The following HORMAD2 variants were observed in gnomAD, a reference collection of about 807,000 sequenced individuals.
The protein encoded by HORMAD2 is HORMA domain-containing protein 2.
Under a neutral mutation model 38.8 loss-of-function variants are expected in HORMAD2, and 45 were observed. The ratio of observed to expected loss-of-function variants is 1.16; its 90% CI spans 0.91 to 1.49. The LOEUF (loss-of-function observed/expected upper bound fraction) is 1.49. Ranked by LOEUF, HORMAD2 falls within the 40% of genes most tolerant of loss-of-function variation. The pLI is 0.00. For missense variants in HORMAD2, 338 were observed against 367.0 expected, an observed-to-expected ratio of 0.92 and a Z score of 0.65; for synonymous variants, 126 against 122.8, an observed-to-expected ratio of 1.03 and a Z score of -0.17.
intron 7 of HORMAD2, among the ~76,000 whole-genome samples, chr22:30,116,089 A>G (rs1569094399): frequency 6.6e-6 from 1 of 152,146 alleles, no homozygotes; most frequent in African/African-American, 2.4e-5. Flanking sequence ...CAGTGCCTGA[A>G]TATTATTATT....
the HORMAD2 span, chr22:30,184,698 C>G: frequency 5.3e-5 from 8 of 152,130 alleles, no homozygotes; most frequent in Non-Finnish European, 7.4e-5. Flanking sequence ...GGTTTTGACA[C>G]CGTGCTGCCT....
chr22:30,117,898 G>A (rs942864559), intron 7 of HORMAD2, among the ~76,000 whole-genome samples: 2 of 152,186 alleles, frequency 1.3e-5, no homozygotes, highest in African/African-American at 4.8e-5. Context: ...ACAGTGAGGA[G>A]AGCAGATAGC....
In HORMAD2 at chr22:30,098,969, T is replaced by C. The variant is rs145681756; in HGVS notation, c.169T>C (p.Ser57Pro). 2.8e-4 allele frequency: 455 copies of C among 1,610,616 alleles called. 2 individuals carry two copies. In the African/African-American group the frequency reaches 5.6e-3, roughly 20 times the overall value. Residue 57 changes from serine (S) to proline (P), a missense_variant, in exon 3 of 11, where the codon TCT becomes CCT. Ser to Pro is a moderately conservative substitution (Grantham distance 74, BLOSUM62 -1). Coordinates refer to ENST00000336726, the MANE Select transcript of HORMAD2 (RefSeq NM_152510.4). Reference sequence around the variant, plus strand: ...CCTAAGGGGCCTGTTTCCAGAGAGCTCTTATGGAGAACGCCATTTGGATGG... The same window carrying C: ...CCTAAGGGGCCTGTTTCCAGAGAGCCCTTATGGAGAACGCCATTTGGATGG... ...TYLRGLFPESSYGERHLDDLS... is the reference protein window; with the variant it reads ...TYLRGLFPESPYGERHLDDLS...
intron 10 of HORMAD2, among the ~76,000 whole-genome samples, chr22:30,139,578 A>G (rs970623118): frequency 6.6e-6 from 1 of 151,796 alleles, no homozygotes; most frequent in Non-Finnish European, 1.5e-5. Flanking sequence ...TCTAATCTGG[A>G]TGCCTTTTAT....
chr22:30,085,963 A>G (rs2068563494), intron 1 of HORMAD2, among the ~76,000 whole-genome samples: 1 of 152,226 alleles, frequency 6.6e-6, no homozygotes, highest in Non-Finnish European at 1.5e-5. Flanking sequence ...AAATTTTACT[A>G]AGCCATATGA....
chr22:30,177,462 G>A (rs1926519326), downstream of HORMAD2, among the ~76,000 whole-genome samples: 1 of 152,202 alleles, frequency 6.6e-6, no homozygotes, highest in South Asian at 2.1e-4. Context: ...CTGCAGGCAA[G>A]GAGGAGCATT....
downstream of HORMAD2, among the ~76,000 whole-genome samples, chr22:30,180,969 CT>C (rs1926686601): frequency 1.6e-5 from 2 of 127,388 alleles, no homozygotes; most frequent in Admixed American, 8.5e-5. Context: ...CTCCTCTCCT[CT>C]CCTCTCCTCT....
At chr22:30,187,786 A>G in the HORMAD2 span, among the ~76,000 whole-genome samples, 1 of 151,120 alleles carries the variant, frequency 6.6e-6, no homozygotes. Flanking sequence ...AGCAACCTGA[A>G]AAAAGTGTTT....
intron 7 of HORMAD2, among the ~76,000 whole-genome samples, chr22:30,114,209 A>G (rs1921872334): frequency 6.6e-6 from 1 of 152,184 alleles, no homozygotes; most frequent in African/African-American, 2.4e-5. Context: ...ATCATTTATG[A>G]CCCAGGAAAA....
chr22:30,095,462 C>T (rs189759262), intron 2 of HORMAD2, among the ~76,000 whole-genome samples: 153 of 152,254 alleles, frequency 1.0e-3, no homozygotes, highest in African/African-American at 3.5e-3. Flanking sequence ...AGCCTAGGGA[C>T]ATGTGGAGTT....
At chr22:30,081,668 C>T (rs867520825) in intron 1 of HORMAD2, among the ~76,000 whole-genome samples, 4 of 151,990 alleles carry the variant, frequency 2.6e-5, no homozygotes, top group South Asian at 4.1e-4. Context: ...CTCCACCTCT[C>T]GGGTTCAAGC....
intron 10 of HORMAD2, among the ~76,000 whole-genome samples, chr22:30,149,077 C>T (rs995296822): frequency 1.3e-5 from 2 of 152,114 alleles, no homozygotes; most frequent in Non-Finnish European, 2.9e-5. Flanking sequence ...ACAACTTTTC[C>T]GTGTATAATA....
At chr22:30,101,218 T>C (rs1920941360) in intron 3 of HORMAD2, among the ~76,000 whole-genome samples, 1 of 152,064 alleles carries the variant, frequency 6.6e-6, no homozygotes, top group Admixed American at 6.6e-5. Context: ...ATAAAGAAAA[T>C]GTGGCACATA....
chr22:30,078,607 CAAA>C (rs55966787), upstream of HORMAD2, among the ~76,000 whole-genome samples: 44 of 28,084 alleles, frequency 1.6e-3, no homozygotes, highest in African/African-American at 5.4e-3. Flanking sequence ...CTCTGTCTCA[CAAA>C]AAAAAAAAAA....
At chr22:30,089,359 T>TA (rs1026178723) in intron 1 of HORMAD2, among the ~76,000 whole-genome samples, 2 of 151,580 alleles carry the variant, frequency 1.3e-5, no homozygotes, top group African/African-American at 4.8e-5. Context: ...CTGCTTCTTT[T>TA]TTTTTTTTTT....
intron 2 of HORMAD2, among the ~76,000 whole-genome samples, chr22:30,097,055 A>G (rs1601511563): frequency 6.6e-6 from 1 of 152,226 alleles, no homozygotes; most frequent in East Asian, 1.9e-4. Context: ...GTATTGACAC[A>G]ACACCGGCTG....
intron 10 of HORMAD2, among the ~76,000 whole-genome samples, chr22:30,166,114 C>T (rs1427352186): frequency 6.6e-6 from 1 of 151,518 alleles, no homozygotes; most frequent in East Asian, 1.9e-4. Context: ...CTAACAAGTT[C>T]CAACAGACAT....
At chr22:30,144,089 A>G (rs1924260865) in intron 10 of HORMAD2, among the ~76,000 whole-genome samples, 1 of 152,236 alleles carries the variant, frequency 6.6e-6, no homozygotes, top group South Asian at 2.1e-4. Context: ...TACCAACACA[A>G]GAACAGCCTA....
chr22:30,100,346 A>G (rs1293477409), intron 3 of HORMAD2, among the ~76,000 whole-genome samples: 1 of 152,224 alleles, frequency 6.6e-6, no homozygotes, highest in Admixed American at 6.5e-5. Flanking sequence ...AGGATTCCCT[A>G]TTTAATAAAT....
Sources: gnomAD v4.1 joint callset for allele counts (sites outside exome capture counted in the v4.1 genomes callset) on GRCh38, gnomAD v4.1.1 for gene constraint, MANE v1.5 for transcripts, NCBI Gene and HGNC (gene_info 2026-07-23, HGNC 2026-07-21) for gene names.